Variants in GOLGA8B observed in about 807,000 individuals in gnomAD.
The protein encoded by GOLGA8B is golgin A8 family member B.
In GOLGA8B, 1 loss-of-function variant was observed where a neutral mutation model predicts 15.6. The ratio of observed to expected loss-of-function variants is 0.06; its 90% confidence interval spans 0.02 to 0.30. The LOEUF is 0.30. GOLGA8B is among the 10% of genes least tolerant of loss of function. The pLI, the probability that GOLGA8B is intolerant of heterozygous loss-of-function variation, is 1.00. For synonymous variants in GOLGA8B, 9 were observed against 80.3 expected (o/e 0.11, Z 4.75); for missense variants, 17 against 201.3 (o/e 0.08, Z 5.54).
intron 1 of GOLGA8B, among the ~76,000 whole-genome samples, chr15:34,563,717 A>G (rs1888683830): frequency 6.6e-6 from 1 of 151,804 alleles, no homozygotes; most frequent in Non-Finnish European, 1.5e-5. Context: ...AGAATAGACC[A>G]TGGACTTAAA....
intron 1 of GOLGA8B, among the ~76,000 whole-genome samples, chr15:34,575,355 C>G (rs1878325139): frequency 6.6e-6 from 1 of 151,292 alleles, no homozygotes; most frequent in Non-Finnish European, 1.5e-5. Context: ...ATGCACCCCT[C>G]AACACACCCC....
chr15:34,572,958 A>G (rs1165072439), intron 1 of GOLGA8B, among the ~76,000 whole-genome samples: 1 of 152,238 alleles, frequency 6.6e-6, no homozygotes, highest in African/African-American at 2.4e-5. Context: ...TTTTTAAAAC[A>G]GAGACATCAA....
chr15:34,543,454 G>A lies in GOLGA8B; in HGVS notation c.-382+1404C>T, dbSNP rs1282909462. Among the ~76,000 whole-genome samples the A allele has an allele frequency of 3.1e-5, 4 of 129,604 alleles. No individual in the cohort carries two copies. In the East Asian group the frequency reaches 9.6e-4, roughly 31 times the overall value. 85.0% of individuals were successfully genotyped at this position (129,604 alleles called of 152,430 possible). A position where few individuals can be genotyped will look rare whatever the true frequency, so the allele number is the denominator to read the frequency against. On this transcript the variant is annotated intron_variant, in intron 7 of 23. Coordinates refer to ENST00000683415, the MANE Select transcript of GOLGA8B (RefSeq NM_001023567.5). Reference sequence around the variant, plus strand: ...ACTCCTGGGCTTATGCCATCCTCCCGCCTCAGCCTCTCAAAAAGTGCTGAG... The same window carrying A: ...ACTCCTGGGCTTATGCCATCCTCCCACCTCAGCCTCTCAAAAAGTGCTGAG...
chr15:34,559,242 C>G (rs962265906), intron 1 of GOLGA8B, among the ~76,000 whole-genome samples: 2 of 146,996 alleles, frequency 1.4e-5, no homozygotes, highest in African/African-American at 5.1e-5. Flanking sequence ...ATGCGGGTGG[C>G]CAGGGGCTGG....
intron 4 of GOLGA8B, among the ~76,000 whole-genome samples, 193 bp from the exon 5 acceptor site, chr15:34,547,175 A>G (rs1421797773): frequency 2.9e-5 from 1 of 35,046 alleles, no homozygotes; most frequent in Non-Finnish European, 4.4e-5. Context: ...AATACCGCAT[A>G]TAGCCATAGA....
At chr15:34,571,831 A>AT (rs1377447026) in intron 1 of GOLGA8B, among the ~76,000 whole-genome samples, 1 of 152,018 alleles carries the variant, frequency 6.6e-6, no homozygotes, top group East Asian at 1.9e-4. Flanking sequence ...ACAATGTAAA[A>AT]TTTCCAAATT....
At chr15:34,547,900 G>GTTA (rs2043483154) in intron 4 of GOLGA8B, among the ~76,000 whole-genome samples, 1 of 146,870 alleles carries the variant, frequency 6.8e-6, no homozygotes, top group African/African-American at 2.6e-5. Flanking sequence ...GCTTAACATA[G>GTTA]TGTTCAAGGT....
intron 1 of GOLGA8B, among the ~76,000 whole-genome samples, chr15:34,571,917 T>C (rs1240847617): frequency 2.0e-5 from 3 of 151,762 alleles, no homozygotes; most frequent in Admixed American, 1.3e-4. Context: ...GCAATATATA[T>C]AGAAAATGAG....
At chr15:34,573,549 A>T (rs1451524587) in intron 1 of GOLGA8B, among the ~76,000 whole-genome samples, 1 of 151,678 alleles carries the variant, frequency 6.6e-6, no homozygotes, top group Admixed American at 6.6e-5. Context: ...AAAAAAAAAA[A>T]AAAAAAAAAA....
intron 4 of GOLGA8B, among the ~76,000 whole-genome samples, chr15:34,548,048 GTGCCTA>G (rs1888325109): frequency 6.6e-6 from 1 of 152,122 alleles, no homozygotes; most frequent in African/African-American, 2.4e-5. Flanking sequence ...GTGTCTCCTG[GTGCCTA>G]TGTACTCATT....
chr15:34,564,115 G>A (rs1256636027), intron 1 of GOLGA8B, among the ~76,000 whole-genome samples: 2 of 143,252 alleles, frequency 1.4e-5, no homozygotes, highest in Non-Finnish European at 3.2e-5. Flanking sequence ...AACTGGTCAT[G>A]ATGGGAGGTG....
rs564017431 is a variant in GOLGA8B, at chr15:34,552,043, C to T, written c.-713-767G>A. On this transcript the variant is annotated intron_variant, in intron 3 of 23. Transcript: ENST00000683415. ...TAATGGGACGCCAATCAATAGTATC[C>T]GAAGTTGATATACCCAGAAAGAGAG... Among the ~76,000 whole-genome samples, 8 of 102,022 alleles carry T rather than the reference C, an allele frequency of 7.8e-5. No individual in the cohort carries two copies. The South Asian group carries it at 2.5e-3, about 31-fold the overall frequency. The allele number at this position is 102,022 out of a possible 152,430, so 66.9% of individuals were successfully genotyped here. A position where few individuals can be genotyped will look rare whatever the true frequency, so the allele number is the denominator to read the frequency against.
At chr15:34,581,687 TGAG>T (rs1889240407) in intron 1 of GOLGA8B, among the ~76,000 whole-genome samples, 1 of 152,028 alleles carries the variant, frequency 6.6e-6, no homozygotes, top group Non-Finnish European at 1.5e-5. Context: ...TGGAAGAGAA[TGAG>T]GAGCTGACGG....
At chr15:34,571,611 C>T (rs1263334700) in intron 1 of GOLGA8B, among the ~76,000 whole-genome samples, 1 of 123,724 alleles carries the variant, frequency 8.1e-6, no homozygotes, top group African/African-American at 2.8e-5. Context: ...AGGTTGGAAT[C>T]GTATAAAAAA....
At chr15:34,582,857 G>GCCTGGCCTGGAGAAGGGGC (rs1259972713) in intron 1 of GOLGA8B, 1 of 152,222 alleles carries the variant, frequency 6.6e-6, no homozygotes, top group Non-Finnish European at 1.5e-5. Flanking sequence ...GCCAGGCAGT[G>GCCTGGCCTGGAGAAGGGGC]CCTGGCCTGG....
At chr15:34,564,495 A>C (rs1888704743) in intron 1 of GOLGA8B, among the ~76,000 whole-genome samples, 1 of 146,640 alleles carries the variant, frequency 6.8e-6, no homozygotes, top group African/African-American at 2.5e-5. Flanking sequence ...AAACGGTAGC[A>C]AATTTAGTAG....
chr15:34,580,558 GGA>G (rs1366126424), intron 1 of GOLGA8B, among the ~76,000 whole-genome samples: 1 of 152,130 alleles, frequency 6.6e-6, no homozygotes, highest in Non-Finnish European at 1.5e-5. Flanking sequence ...GTCTGGACAG[GGA>G]GAGAGGGGAG....
intron 7 of GOLGA8B, among the ~76,000 whole-genome samples, chr15:34,543,408 TGCTGCCCAGG>T (rs1888245481): frequency 7.0e-6 from 1 of 143,526 alleles, no homozygotes; most frequent in Admixed American, 7.0e-5. Context: ...GTTCTCACCA[TGCTGCCCAGG>T]CTTGTCTCCA....
At chr15:34,573,179 G>T (rs1052609263) in intron 1 of GOLGA8B, among the ~76,000 whole-genome samples, 7 of 152,166 alleles carry the variant, frequency 4.6e-5, no homozygotes, top group Non-Finnish European at 8.8e-5. Flanking sequence ...TACCCAAGCA[G>T]CCTCTAGTTG....
Sources: gnomAD v4.1 joint callset for allele counts (sites outside exome capture counted in the v4.1 genomes callset) on GRCh38, gnomAD v4.1.1 for gene constraint, MANE v1.5 for transcripts, NCBI Gene and HGNC (gene_info 2026-07-23, HGNC 2026-07-21) for gene names.